The following DPF2 variants were observed in gnomAD, a reference collection of about 807,000 sequenced individuals.
The protein encoded by DPF2 is double PHD fingers 2.
A neutral mutation model predicts 59.6 loss-of-function variants in DPF2; 10 were observed. The ratio of observed to expected loss-of-function variants is 0.17; its 90% CI spans 0.10 to 0.28. The LOEUF (loss-of-function observed/expected upper bound fraction) is 0.28, where lower values mean the gene tolerates loss of function less well. DPF2 is among the 10% of genes least tolerant of loss of function. The pLI is 1.00. For missense variants in DPF2, 315 were observed against 509.4 expected, an observed-to-expected ratio of 0.62 and a Z score of 3.67; for synonymous variants, 189 against 190.6, an observed-to-expected ratio of 0.99 and a Z score of 0.07.
At chr11:65,350,510 A>G (rs561882397) in intron 10 of DPF2, among the ~76,000 whole-genome samples, 13 of 149,872 alleles carry the variant, frequency 8.7e-5, no homozygotes, top group African/African-American at 2.9e-4. Context: ...CAGCCTCCTG[A>G]GTACCTGGGA....
intron 1 of DPF2, among the ~76,000 whole-genome samples, chr11:65,334,549 A>G (rs1421932134): frequency 6.6e-6 from 1 of 152,250 alleles, no homozygotes; most frequent in East Asian, 1.9e-4. Flanking sequence ...AAAACCTGCA[A>G]CTGGACCGAA....
At chr11:65,345,535 T>C (rs1323040792) in intron 6 of DPF2, 131 bp from the exon 7 acceptor site, 6 of 1,328,968 alleles carry the variant, frequency 4.5e-6, no homozygotes, top group African/African-American at 1.4e-5. Flanking sequence ...TCAAGGCCTG[T>C]CCCAGAGTGG....
chr11:65,343,728 C>A lies in DPF2; in HGVS notation c.466-17C>A. The A allele has an allele frequency of 1.9e-6, 3 of 1,579,738 alleles. No homozygotes were observed. The highest frequency in any genetic ancestry group is 1.7e-6 in the Non-Finnish European group (2 of 1,162,894). On this transcript the variant is annotated splice_polypyrimidine_tract_variant and intron_variant, in intron 4 of 10. Coordinates refer to ENST00000528416, the MANE Select transcript of DPF2 (RefSeq NM_006268.5). The stretch of plus-strand genomic sequence containing the variant: ...ATGCACATATTTCTACCCATGCTAA[C>A]CCTCCTGTCCACTCAGCGGATCCTA...
chr11:65,348,754 C>G (rs1854610914), intron 9 of DPF2, 96 bp from the exon 10 acceptor site: 1 of 1,232,344 alleles, frequency 8.1e-7, no homozygotes, highest in African/African-American at 1.5e-5. Context: ...CTGTTCTTAC[C>G]TGCTACCTAC....
chr11:65,341,292 G>C, intron 3 of DPF2, 107 bp from the exon 4 acceptor site: 2 of 1,510,184 alleles, frequency 1.3e-6, no homozygotes, highest in East Asian at 4.7e-5. Flanking sequence ...GGCGTGCAGA[G>C]AACAAAAGAT....
At position 65,354,103 on chromosome 11, in the gene DPF2, A is replaced by G. The variant is rs762948976; in HGVS notation, c.*2344A>G. On this transcript the variant is annotated 3_prime_UTR_variant, in exon 11 of 11. Transcript: ENST00000528416. ...GCAGAGGATGCGGAGCTGTGAGCGG[A>G]GGGAGCAGCGAGGCTGGAGAGCAGC... is the stretch of plus-strand genomic sequence containing the variant. Among the ~76,000 whole-genome samples, 1 of 152,150 alleles carries G rather than the reference A, an allele frequency of 6.6e-6. No individual in the cohort carries two copies. Among genetic ancestry groups the G allele is most frequent in the Admixed American group, 6.5e-5 (1 of 15,276 alleles).
Position 65,354,172 on chromosome 11 carries a change from G to GTT in DPF2, c.*2414_*2415dup, listed in dbSNP as rs1854800142. Among the ~76,000 whole-genome samples the GTT allele has an allele frequency of 2.0e-5, 3 of 152,186 alleles. No individual in the cohort carries two copies. In the South Asian group the frequency reaches 6.2e-4, roughly 32 times the overall value. On this transcript the variant is annotated 3_prime_UTR_variant, in exon 11 of 11. Coordinates refer to ENST00000528416, the MANE Select transcript of DPF2 (RefSeq NM_006268.5). ...GTCTGCGTTTAATTCGGGACTGAAGGTTAGCAGGGAAGGGAACGATGCCAG... is the reference window on the plus strand; with the variant it reads ...GTCTGCGTTTAATTCGGGACTGAAGGTTTTAGCAGGGAAGGGAACGATGCCAG...
intron 1 of DPF2, 105 bp downstream of exon 1, chr11:65,334,023 G>A: frequency 6.6e-7 from 1 of 1,509,338 alleles, no homozygotes; most frequent in Non-Finnish European, 9.0e-7. Flanking sequence ...ACATCCCCGG[G>A]AAAGCCATGT....
intron 4 of DPF2, chr11:65,343,482 C>G (rs776714120): frequency 7.8e-5 from 38 of 485,340 alleles, no homozygotes; most frequent in Non-Finnish European, 1.3e-4. Context: ...TGGAAGCATG[C>G]TATTTGATTT....
intron 6 of DPF2, chr11:65,344,374 C>G (rs1565536506): frequency 1.6e-6 from 1 of 623,148 alleles, no homozygotes; most frequent in South Asian, 2.0e-5. Context: ...CTCAGTTAAG[C>G]CAGGGCCCCA....
rs1854363739 is a variant in DPF2 at position 65,341,299 on chromosome 11, A to G, written c.302-100A>G. ...AATTCCTGGGCGTGCAGAGAACAAAAGATAGTGACAGACCTTTGGTAAGCC... is the reference window on the plus strand; with the variant it reads ...AATTCCTGGGCGTGCAGAGAACAAAGGATAGTGACAGACCTTTGGTAAGCC... On this transcript the variant is annotated intron_variant, in intron 3 of 10. Transcript: ENST00000528416. 3.3e-6 allele frequency: 5 copies of G among 1,535,590 alleles called. No homozygotes were observed. In the East Asian group the frequency reaches 1.1e-4, roughly 35 times the overall value.
chr11:65,351,246 A>G (rs4647595), intron 10 of DPF2, among the ~76,000 whole-genome samples: 1,692 of 152,342 alleles, frequency 0.011, 30 homozygotes, highest in African/African-American at 0.038. Flanking sequence ...AAAAATTAGA[A>G]GAATTCAGCC....
intron 1 of DPF2, among the ~76,000 whole-genome samples, chr11:65,336,081 G>C (rs1372609468): frequency 2.0e-5 from 3 of 151,934 alleles, no homozygotes; most frequent in Admixed American, 1.3e-4. Flanking sequence ...CCAAAGTGCT[G>C]GGATTATAGG....
In DPF2 at chr11:65,341,418, G is replaced by A. The variant is rs1178879690; in HGVS notation, c.321G>A (p.Lys107=). 4.3e-6 allele frequency: 7 copies of A among 1,614,106 alleles called. No homozygotes were observed. The highest frequency in any genetic ancestry group is 1.6e-4 in the Middle Eastern group (1 of 6,084). The change falls in exon 4 of 11, where the codon AAG becomes AAA. Residue 107 remains lysine (K), a synonymous_variant. Transcript: ENST00000528416. ...TTGCAGACACAGACCAGACCCTGAA[G>A]AAGGAGGGGCTGATCTCTCAGGATG... is the stretch of plus-strand genomic sequence containing the variant. ...SIKPDTDQTL[K]KEGLISQDGS...
At chr11:65,337,494 TATATATATATAGAGAGAGAGAGAG>T (rs1404104596) in intron 1 of DPF2, among the ~76,000 whole-genome samples, 5 of 62,586 alleles carry the variant, frequency 8.0e-5, no homozygotes, top group East Asian at 9.4e-4. Context: ...TATATATATA[TATATATATATAGAGAGAGAGAGAG>T]AGAGAGAGAG....
At position 65,353,849 on chromosome 11, in the gene DPF2, C is replaced by G. The variant is rs993684226; in HGVS notation, c.*2090C>G. The stretch of plus-strand genomic sequence containing the variant: ...GAGCAGAGCGCAGCCCGTCCTCATG[C>G]TTTTCCACTGAAGTAGGCCAGGCAG... On this transcript the variant is annotated 3_prime_UTR_variant, in exon 11 of 11. Coordinates refer to ENST00000528416, the MANE Select transcript of DPF2 (RefSeq NM_006268.5). 1.3e-5 allele frequency among the ~76,000 whole-genome samples: 2 copies of G among 152,182 alleles called. No homozygotes were observed. The highest frequency in any genetic ancestry group is 4.8e-5 in the African/African-American group (2 of 41,420).
At position 65,341,475 on chromosome 11, in the gene DPF2, C is replaced by A. The variant is rs760874409; in HGVS notation, c.378C>A (p.Asp126Glu). 1 of 1,614,178 alleles carries A rather than the reference C, an allele frequency of 6.2e-7. No homozygotes were observed. The highest frequency in any genetic ancestry group is 8.5e-7 in the Non-Finnish European group (1 of 1,180,034). Reference sequence around the variant, plus strand: ...GTTTAGAGGCTCTGTTGCGCACTGACCCCCTGGAGAAGCGAGGTGCCCCGG... The same window carrying A: ...GTTTAGAGGCTCTGTTGCGCACTGAACCCCTGGAGAAGCGAGGTGCCCCGG... ...GSSLEALLRT[D>E]PLEKRGAPDP... Residue 126 changes from aspartate (D) to glutamate (E), a missense_variant, in exon 4 of 11, where the codon GAC (aspartate) becomes GAA (glutamate). By Grantham distance (45) the Asp-to-Glu change is conservative. Around this residue, in one of 4 missense-constraint regions of DPF2, gnomAD observed 228 missense variants for 275.3 expected, o/e 0.83. Transcript: ENST00000528416.
intron 9 of DPF2, 59 bp from the exon 10 acceptor site, chr11:65,348,791 A>G: frequency 6.4e-7 from 1 of 1,561,976 alleles, no homozygotes; most frequent in Non-Finnish European, 8.8e-7. Context: ...AGTGTCCTGT[A>G]GTGGCCTGAG....
chr11:65,344,278 T>G, intron 6 of DPF2: 1 of 626,678 alleles, frequency 1.6e-6, no homozygotes, highest in Non-Finnish European at 2.8e-6. Context: ...GGGAAAGATT[T>G]CTGCCATCCT....
Sources: gnomAD v4.1 joint callset for allele counts (sites outside exome capture counted in the v4.1 genomes callset) on GRCh38, gnomAD v4.1.1 for gene constraint, gnomAD v4.1.1 regional missense constraint, MANE v1.5 for transcripts, NCBI Gene and HGNC (gene_info 2026-07-23, HGNC 2026-07-21) for gene names.